The following MYH7 variants were observed in gnomAD, a reference collection of about 807,000 sequenced individuals.
The protein encoded by MYH7 is myosin-7.
Under a neutral mutation model 225.4 loss-of-function variants are expected in MYH7, and 129 were observed. The observed-to-expected ratio is 0.57, with a 90% CI of 0.50 to 0.66. The LOEUF is 0.66. Ranked by LOEUF, MYH7 falls within the 30% of genes least tolerant of loss-of-function variation. The pLI is 0.00. For missense variants in MYH7, 1,649 were observed against 2,517.0 expected (o/e 0.66, Z 7.38); for synonymous variants, 971 against 1,007.6 (o/e 0.96, Z 0.69).
intron 30 of MYH7, chr14:23,417,889 C>T (rs1304625638): frequency 4.9e-5 from 44 of 902,342 alleles, no homozygotes; most frequent in Non-Finnish European, 7.2e-5. Context: ...CTGACCCTGG[C>T]CCAGCCTCTG....
intron 33 of MYH7, 71 bp downstream of exon 33, chr14:23,416,797 G>C (rs954881337): frequency 1.2e-6 from 2 of 1,609,598 alleles, no homozygotes; most frequent in Admixed American, 3.3e-5. Flanking sequence ...CGGACAAAGC[G>C]GGGGATGAGA....
In MYH7 at chr14:23,427,594, C is replaced by T. The variant is rs1174863002; in HGVS notation, c.1879G>A (p.Ala627Thr). ...CTCAGTCCCTACTTACGCGCATCAGCCCCAGCATAGTTGGCAAACAGGGTG... is the reference window on the plus strand; with the variant it reads ...CTCAGTCCCTACTTACGCGCATCAGTCCCAGCATAGTTGGCAAACAGGGTG... ...LSTLFANYAG[A>T]DAPIEKGKGK... The change falls in exon 16 of 40, where the codon GCT (alanine) becomes ACT (threonine). Residue 627 changes from alanine (A) to threonine (T), a missense_variant. Ala to Thr is a moderately conservative substitution (Grantham distance 58). Around this residue, in one of 12 missense-constraint regions of MYH7, gnomAD observed 112 missense variants for 161.9 expected, o/e 0.69. Coordinates refer to ENST00000355349, the MANE Select transcript of MYH7 (RefSeq NM_000257.4). The T allele has an allele frequency of 6.2e-7, 1 of 1,614,122 alleles. No homozygotes were observed. The highest frequency in any genetic ancestry group is 8.5e-7 in the Non-Finnish European group (1 of 1,180,022).
In MYH7 at chr14:23,417,499, C is replaced by T; in HGVS notation, c.4353+4G>A. The T allele has an allele frequency of 6.2e-7, 1 of 1,612,308 alleles. No homozygotes were observed. The highest frequency in any genetic ancestry group is 8.5e-7 in the Non-Finnish European group (1 of 1,180,040). ...GCTGGCTGCGGCCCCCACCCAGGGCCCACCTTGTCGAAGTTCCTCTGCTTC... is the reference window on the plus strand; with the variant it reads ...GCTGGCTGCGGCCCCCACCCAGGGCTCACCTTGTCGAAGTTCCTCTGCTTC... On this transcript the variant is annotated splice_donor_region_variant and intron_variant, in intron 31 of 39. Coordinates refer to ENST00000355349, the MANE Select transcript of MYH7 (RefSeq NM_000257.4).
rs542565151 is a variant in MYH7 at position 23,424,968 on chromosome 14, C to A, written c.2480G>T (p.Trp827Leu). ...CTTGAAGTAGAGCTTCATCCAGGGC[C>A]AATTCTTGACCCCCATGAAGGCCCG... ...NIRAFMGVKN[W>L]PWMKLYFKIK... Residue 827 changes from tryptophan (W) to leucine (L), a missense_variant, in exon 22 of 40, where the codon TGG becomes TTG. Transcript: ENST00000355349. 1 of 1,614,218 alleles carries A rather than the reference C, an allele frequency of 6.2e-7. No homozygotes were observed. Among genetic ancestry groups the A allele is most frequent in the South Asian group, 1.1e-5 (1 of 91,088 alleles).
At chr14:23,430,014 G>T in intron 11 of MYH7, 101 bp from the exon 12 acceptor site, 1 of 1,446,336 alleles carries the variant, frequency 6.9e-7, no homozygotes, top group Admixed American at 1.8e-5. Context: ...CTTAATCCCT[G>T]TGGGTTCTGA....
At position 23,435,283 on chromosome 14, in the gene MYH7, C is replaced by T. The variant is rs535784383; in HGVS notation, c.-65+337G>A. Reference sequence around the variant, plus strand: ...CTCCTCGTTCACAGACGTGATCATACACCCACATCTCCCACTTGATATTTC... The same window carrying T: ...CTCCTCGTTCACAGACGTGATCATATACCCACATCTCCCACTTGATATTTC... On this transcript the variant is annotated intron_variant, in intron 1 of 39. Coordinates refer to ENST00000355349, the MANE Select transcript of MYH7 (RefSeq NM_000257.4). 2.0e-5 allele frequency among the ~76,000 whole-genome samples: 3 copies of T among 152,232 alleles called. No homozygotes were observed. The South Asian group carries it at 6.2e-4, about 32-fold the overall frequency.
chr14:23,423,483 A>ACACACACACACACACC (rs1892564880), intron 24 of MYH7, 64 bp downstream of exon 24: 1 of 1,540,358 alleles, frequency 6.5e-7, no homozygotes, highest in Non-Finnish European at 8.9e-7. Flanking sequence ...ACACACACAC[A>ACACACACACACACACC]CACAGAGCTC....
rs767148171 is a variant in MYH7, at chr14:23,416,941, T to C, written c.4571A>G (p.His1524Arg). The change falls in exon 33 of 40, where the codon CAT (histidine) becomes CGT (arginine). Residue 1524 changes from histidine (H) to arginine (R), a missense_variant. Transcript: ENST00000355349. ...CTGCTTTCGGACCTTCTCCAGCTCA[T>C]GGATAGTCTTTCCGCTGGAACCCAA... ...EQLGSSGKTI[H>R]ELEKVRKQLE... 2.5e-6 allele frequency: 4 copies of C among 1,614,226 alleles called. No homozygotes were observed. Among genetic ancestry groups the C allele is most frequent in the Admixed American group, 1.7e-5 (1 of 60,026 alleles).
intron 10 of MYH7, 62 bp downstream of exon 10, chr14:23,430,839 A>G: frequency 7.1e-7 from 1 of 1,404,032 alleles, no homozygotes; most frequent in Non-Finnish European, 1.0e-6. Flanking sequence ...GAGTCCAGCC[A>G]CAAGCAGAGG....
In MYH7 at chr14:23,413,745, A is replaced by T. The variant is rs370553746; in HGVS notation, c.5790+14T>A. ...CTGTGGGGGTGACTAGCAAAGCCCA[A>T]AAGAGGGACCCACCTTCGTGCCAAT... On this transcript the variant is annotated intron_variant, in intron 39 of 39. Coordinates refer to ENST00000355349, the MANE Select transcript of MYH7 (RefSeq NM_000257.4). 12 of 1,613,530 alleles carry T rather than the reference A, an allele frequency of 7.4e-6. No individual in the cohort carries two copies. The African/African-American group carries it at 1.6e-4, about 22-fold the overall frequency.
intron 14 of MYH7, 50 bp downstream of exon 14, chr14:23,428,905 G>A: frequency 6.2e-7 from 1 of 1,613,654 alleles, no homozygotes; most frequent in Non-Finnish European, 8.5e-7. Context: ...GCTGTTGAAT[G>A]TGGGAGCGAG....
rs1892497340 is a variant in MYH7 at position 23,422,174 on chromosome 14, C to T, written c.3245+6G>A. 6.2e-7 allele frequency: 1 copy of T among 1,612,612 alleles called. No individual in the cohort carries two copies. The highest frequency in any genetic ancestry group is 8.5e-7 in the Non-Finnish European group (1 of 1,180,010). ...GAGGAAGGGCAGCAGGGAGGGGACA[C>T]AGTACTTTTTCAGCCGCTCATCCAG... On this transcript the variant is annotated splice_donor_region_variant and intron_variant, in intron 25 of 39. Transcript: ENST00000355349.
intron 39 of MYH7, among the ~76,000 whole-genome samples, chr14:23,413,421 T>C (rs1892050584): frequency 6.6e-6 from 1 of 152,128 alleles, no homozygotes; most frequent in East Asian, 1.9e-4. Flanking sequence ...TACTAAAATA[T>C]AAAAATTAGC....
At chr14:23,419,043 T>A in intron 29 of MYH7, 134 bp downstream of exon 29, 1 of 876,226 alleles carries the variant, frequency 1.1e-6, no homozygotes, top group Non-Finnish European at 1.9e-6. Context: ...GGGTTTGGGC[T>A]GTGATTTCTT....
intron 5 of MYH7, 32 bp downstream of exon 5, chr14:23,432,607 C>T (rs774872991): frequency 3.1e-6 from 5 of 1,614,054 alleles, no homozygotes; most frequent in African/African-American, 2.7e-5. Context: ...TATCCCAGTT[C>T]CCTTCAGGAA....
At position 23,415,666 on chromosome 14, in the gene MYH7, A is replaced by G. The variant is rs730880811; in HGVS notation, c.5120T>C (p.Ile1707Thr). Reference protein sequence around the residue: ...RSRKLAEQELIETSERVQLLH... With the variant: ...RSRKLAEQELTETSERVQLLH... Reference sequence around the variant, plus strand: ...CAGCTGCACCCGCTCACTAGTCTCAATCAGCTCCTGCTCCGCCAGCTTCCG... The same window carrying G: ...CAGCTGCACCCGCTCACTAGTCTCAGTCAGCTCCTGCTCCGCCAGCTTCCG... Residue 1707 changes from isoleucine to threonine, a missense_variant, in exon 35 of 40, where the codon ATT becomes ACT. Ile to Thr is a moderately conservative substitution (Grantham distance 89). This residue lies in a region of MYH7 where 687 missense variants were observed against 913.8 expected (regional missense o/e 0.75). Transcript: ENST00000355349. This position sits in a 1 kb window ranked among gnomAD's most constrained non-coding sequence, Gnocchi z 6.3. 7 of 1,613,832 alleles carry G rather than the reference A, an allele frequency of 4.3e-6. No individual in the cohort carries two copies. Among genetic ancestry groups the G allele is most frequent in the Non-Finnish European group, 5.9e-6 (7 of 1,180,016 alleles).
rs545585809 is a variant in MYH7, at chr14:23,415,407, C to G, written c.5257G>C (p.Glu1753Gln). 6.2e-7 allele frequency: 1 copy of G among 1,614,236 alleles called. No individual in the cohort carries two copies. The highest frequency in any genetic ancestry group is 2.2e-5 in the East Asian group (1 of 44,884). Residue 1753 changes from glutamate to glutamine, a missense_variant, in exon 36 of 40, where the codon GAG becomes CAG. Physicochemically the swap from Glu to Gln is conservative, Grantham distance 29. Coordinates refer to ENST00000355349, the MANE Select transcript of MYH7 (RefSeq NM_000257.4). The surrounding 1 kb of genome is among the most constrained non-coding windows in gnomAD (Gnocchi z 6.3). ...TCCGTGATGGCCTTCTTGGCCTTCTCCTCAGCATTCCTGCACTCCTGCACT... is the reference window on the plus strand; with the variant it reads ...TCCGTGATGGCCTTCTTGGCCTTCTGCTCAGCATTCCTGCACTCCTGCACT... ...EAVQECRNAEEKAKKAITDAA... is the reference protein window; with the variant it reads ...EAVQECRNAEQKAKKAITDAA...
chr14:23,423,122 G>C (rs1177438952), intron 24 of MYH7, among the ~76,000 whole-genome samples: 1 of 152,088 alleles, frequency 6.6e-6, no homozygotes, highest in African/African-American at 2.4e-5. Flanking sequence ...GCATCAGAGG[G>C]AACAATGATC....
chr14:23,415,551 T>C lies in MYH7; in HGVS notation c.5158-45A>G, dbSNP rs548862977. On this transcript the variant is annotated intron_variant, in intron 35 of 39. Transcript: ENST00000355349. This position sits in a 1 kb window ranked among gnomAD's most constrained non-coding sequence, Gnocchi z 6.3. ...GGCAGAGCAGGAAAAGCATTGAGCA[T>C]CTATGCATAGCTCTCAAGCCTTGCT... 1.2e-6 allele frequency: 2 copies of C among 1,613,924 alleles called. No individual in the cohort carries two copies. Among genetic ancestry groups the C allele is most frequent in the South Asian group, 2.2e-5 (2 of 91,076 alleles).
Sources: gnomAD v4.1 joint callset for allele counts (sites outside exome capture counted in the v4.1 genomes callset) on GRCh38, gnomAD v4.1.1 for gene constraint, gnomAD v4.1.1 regional missense constraint, Gnocchi (gnomAD v3.1) non-coding constraint, MANE v1.5 for transcripts, NCBI Gene and HGNC (gene_info 2026-07-23, HGNC 2026-07-21) for gene names.